The following NFATC2 variants were observed in gnomAD, a reference collection of about 807,000 sequenced individuals.
The protein encoded by NFATC2 is nuclear factor of activated T-cells, cytoplasmic 2.
In NFATC2, 22 loss-of-function variants were observed where a neutral mutation model predicts 87.3. The ratio of observed to expected loss-of-function variants is 0.25; its 90% CI spans 0.18 to 0.36. The LOEUF (loss-of-function observed/expected upper bound fraction) is 0.36. NFATC2 is among the 10% of genes least tolerant of loss of function. The pLI is 1.00. For missense variants in NFATC2, 1,149 were observed against 1,259.1 expected (o/e 0.91, Z 1.32); for synonymous variants, 565 against 542.2 (o/e 1.04, Z -0.58).
chr20:51,405,211 C>T (rs368473026), intron 9 of NFATC2, among the ~76,000 whole-genome samples: 6 of 152,234 alleles, frequency 3.9e-5, no homozygotes, highest in African/African-American at 7.2e-5. Context: ...TTCCAGGGAC[C>T]GTAAGACATC....
At chr20:51,421,492 A>G (rs1042339530) in intron 9 of NFATC2, among the ~76,000 whole-genome samples, 17 of 152,320 alleles carry the variant, frequency 1.1e-4, no homozygotes, top group African/African-American at 3.6e-4. Flanking sequence ...AAGAGGAACA[A>G]CAAAACAAGT....
At chr20:51,513,960 GC>G (rs1435151583) in intron 3 of NFATC2, among the ~76,000 whole-genome samples, 1 of 152,212 alleles carries the variant, frequency 6.6e-6, no homozygotes, top group Non-Finnish European at 1.5e-5. Flanking sequence ...AATAGAGCTT[GC>G]GGTATCCAAA....
intron 9 of NFATC2, among the ~76,000 whole-genome samples, chr20:51,407,254 G>C (rs548647914): frequency 1.1e-4 from 16 of 152,160 alleles, no homozygotes; most frequent in Admixed American, 9.8e-4. Context: ...GCAGGCCTCC[G>C]TGCCACCCCA....
chr20:51,443,767 G>A (rs1324115784), intron 6 of NFATC2, among the ~76,000 whole-genome samples: 2 of 152,138 alleles, frequency 1.3e-5, no homozygotes, highest in Non-Finnish European at 2.9e-5. Flanking sequence ...TTGAGCAGAT[G>A]TTCAGGCAAA....
Position 51,507,888 on chromosome 20 carries a change from A to G in NFATC2, c.1332+8896T>C, listed in dbSNP as rs370919513. On this transcript the variant is annotated intron_variant, in intron 3 of 10. Coordinates refer to ENST00000371564, the MANE Select transcript of NFATC2 (RefSeq NM_012340.5). ...ATAGTAATCCTACCACCTACACTCTATGGCATCGCTGCAAAGACTAACTAG... is the reference window on the plus strand; with the variant it reads ...ATAGTAATCCTACCACCTACACTCTGTGGCATCGCTGCAAAGACTAACTAG... Among the ~76,000 whole-genome samples, 6 of 152,274 alleles carry G rather than the reference A, an allele frequency of 3.9e-5. No homozygotes were observed. The East Asian group carries it at 9.7e-4, about 25-fold the overall frequency.
chr20:51,474,211 C>T (rs967138780), intron 4 of NFATC2, 59 bp from the exon 5 acceptor site: 12 of 1,582,706 alleles, frequency 7.6e-6, no homozygotes, highest in Non-Finnish European at 9.5e-6. Flanking sequence ...GGAAAGATCA[C>T]CCCCAAAGCT....
At chr20:51,442,625 C>T (rs967348986) in intron 6 of NFATC2, among the ~76,000 whole-genome samples, 1 of 152,026 alleles carries the variant, frequency 6.6e-6, no homozygotes, top group Non-Finnish European at 1.5e-5. Context: ...GACCTTCATG[C>T]CTTTCTTCAC....
chr20:51,471,854 T>G (rs1988232133), intron 5 of NFATC2, among the ~76,000 whole-genome samples: 1 of 152,270 alleles, frequency 6.6e-6, no homozygotes, highest in South Asian at 2.1e-4. Context: ...TTTGGTTTAT[T>G]TTTAAAAACC....
intron 8 of NFATC2, among the ~76,000 whole-genome samples, chr20:51,434,079 GGGTCCT>G (rs1983200963): frequency 6.6e-6 from 1 of 152,158 alleles, no homozygotes; most frequent in Admixed American, 6.5e-5. Context: ...CCACAGTTTT[GGGTCCT>G]GGTGACCTGA....
intron 9 of NFATC2, among the ~76,000 whole-genome samples, chr20:51,412,591 G>A (rs373736300): frequency 2.4e-4 from 36 of 152,144 alleles, no homozygotes; most frequent in African/African-American, 8.4e-4. Flanking sequence ...AGGCCCCGCT[G>A]GCCTGGTCGG....
chr20:51,466,560 A>C (rs1600801450), intron 5 of NFATC2, among the ~76,000 whole-genome samples: 1 of 152,052 alleles, frequency 6.6e-6, no homozygotes, highest in East Asian at 1.9e-4. Context: ...ATGGAGCTGG[A>C]CCCTACCCCA....
At chr20:51,451,582 C>A (rs1180488935) in intron 6 of NFATC2, among the ~76,000 whole-genome samples, 1 of 152,200 alleles carries the variant, frequency 6.6e-6, no homozygotes, top group Non-Finnish European at 1.5e-5. Context: ...GTCTTCAATC[C>A]CGGACCACAG....
intron 10 of NFATC2, among the ~76,000 whole-genome samples, chr20:51,394,407 CTT>C (rs1986757016): frequency 7.2e-5 from 11 of 152,094 alleles, no homozygotes; most frequent in African/African-American, 1.7e-4. Context: ...GTTCCCTCCT[CTT>C]GTCTCACCTT....
At chr20:51,406,921 C>G (rs75605959) in intron 9 of NFATC2, among the ~76,000 whole-genome samples, 1,972 of 152,314 alleles carry the variant, frequency 0.013, 46 homozygotes, top group African/African-American at 0.045. Context: ...TTGACTCTCC[C>G]TAGCTGCCTG....
At chr20:51,455,016 T>G (rs1986255016) in intron 5 of NFATC2, among the ~76,000 whole-genome samples, 1 of 152,238 alleles carries the variant, frequency 6.6e-6, no homozygotes, top group South Asian at 2.1e-4. Flanking sequence ...TTGGTTTTCT[T>G]TATCCTTTTA....
chr20:51,549,378 T>C (rs1031536245), intron 1 of NFATC2, among the ~76,000 whole-genome samples: 1 of 152,218 alleles, frequency 6.6e-6, no homozygotes, highest in Non-Finnish European at 1.5e-5. Context: ...GTGCAAGCGA[T>C]TCTCCTGCCT....
intron 5 of NFATC2, among the ~76,000 whole-genome samples, chr20:51,456,719 G>C (rs1986571537): frequency 6.6e-6 from 1 of 152,212 alleles, no homozygotes; most frequent in African/African-American, 2.4e-5. Context: ...TCCATGGCAG[G>C]AGCCTACGGA....
At position 51,562,156 on chromosome 20, in the gene NFATC2, GA is replaced by G. The variant is rs762208611; in HGVS notation, c.70+403del. On this transcript the variant is annotated intron_variant, in intron 1 of 10. Transcript: ENST00000414705. The surrounding 1 kb of genome is among the most constrained non-coding windows in gnomAD (Gnocchi z 5.8). Reference sequence around the variant, plus strand: ...AAATGCCAAGCCTGTTCTCTTAAAAGAAAAAAAAGTAATAATAATAATACTG... The same window carrying G: ...AAATGCCAAGCCTGTTCTCTTAAAAGAAAAAAAGTAATAATAATAATACTG... Among the ~76,000 whole-genome samples, 2 of 151,892 alleles carry G rather than the reference GA, an allele frequency of 1.3e-5. No individual in the cohort carries two copies. The highest frequency in any genetic ancestry group is 4.8e-5 in the African/African-American group (2 of 41,360).
At chr20:51,438,476 T>G (rs1983885403) in intron 6 of NFATC2, among the ~76,000 whole-genome samples, 1 of 149,990 alleles carries the variant, frequency 6.7e-6, no homozygotes, top group Non-Finnish European at 1.5e-5. Context: ...TTTCAGAAGT[T>G]CATAATGGGG....
Sources: gnomAD v4.1 joint callset for allele counts (sites outside exome capture counted in the v4.1 genomes callset) on GRCh38, gnomAD v4.1.1 for gene constraint, Gnocchi (gnomAD v3.1) non-coding constraint, MANE v1.5 for transcripts, NCBI Gene and HGNC (gene_info 2026-07-23, HGNC 2026-07-21) for gene names.